The following SNX15 variants were observed in gnomAD, a reference collection of about 807,000 sequenced individuals.
SNX15 encodes the protein sorting nexin-15.
SNX15 carries 29 observed loss-of-function variants against 35.2 expected under a neutral mutation model. The ratio of observed to expected loss-of-function variants is 0.82; its 90% CI spans 0.61 to 1.12. The LOEUF (loss-of-function observed/expected upper bound fraction) is 1.12, where lower values mean the gene tolerates loss of function less well. Ranked by LOEUF, SNX15 falls within the 50% of genes most tolerant of loss-of-function variation. The pLI, the probability that SNX15 is intolerant of heterozygous loss-of-function variation, is 0.00. For synonymous variants in SNX15, 189 were observed against 188.2 expected, an observed-to-expected ratio of 1.00 and a Z score of -0.03; for missense variants, 400 against 451.5, an observed-to-expected ratio of 0.89 and a Z score of 1.03.
rs1448676348 is a variant in SNX15, at chr11:65,035,369, A to C, written c.521-151A>C. On this transcript the variant is annotated intron_variant, in intron 5 of 7. Transcript: ENST00000377244. ...GCAGGTCCTTTTCCTTCTCTGTGCT[A>C]CAGTTTCTTGATCTGTAAAATGAGC... 7 of 1,226,286 alleles carry C rather than the reference A, an allele frequency of 5.7e-6. No individual in the cohort carries two copies. In the East Asian group the frequency reaches 1.7e-4, roughly 29 times the overall value. 76.0% of individuals were successfully genotyped at this position (1,226,286 alleles called of 1,614,324 possible). A position where few individuals can be genotyped will look rare whatever the true frequency, so the allele number is the denominator to read the frequency against.
intron 6 of SNX15, 184 bp downstream of exon 6, chr11:65,035,847 G>A: frequency 1.8e-6 from 1 of 567,664 alleles, no homozygotes; most frequent in Non-Finnish European, 2.9e-6. Context: ...CAGGGCACGT[G>A]GTGTGGTGTG....
intron 1 of SNX15, among the ~76,000 whole-genome samples, chr11:65,029,881 T>G (rs1565193307): frequency 6.6e-6 from 1 of 151,726 alleles, no homozygotes; most frequent in African/African-American, 2.4e-5. Context: ...CTGGCCTATA[T>G]TTTTATTTTA....
At position 65,035,591 on chromosome 11, in the gene SNX15, G is replaced by A. The variant is rs183873831; in HGVS notation, c.592G>A (p.Ala198Thr). The change falls in exon 6 of 8, where the codon GCA becomes ACA. Residue 198 changes from alanine to threonine, a missense_variant. Physicochemically the swap from Ala to Thr is moderately conservative, Grantham distance 58. Coordinates refer to ENST00000377244, the MANE Select transcript of SNX15 (RefSeq NM_013306.5). ...LLFNCESTEE[A>T]SGSPARGPLT... ...CTTTAACTGTGAGAGCACCGAGGAG[G>A]CATCTGGTTCCCCTGCCCGAGGCCC... The A allele has an allele frequency of 6.8e-6, 11 of 1,613,910 alleles. No homozygotes were observed. In the Admixed American group the frequency reaches 8.3e-5, roughly 12 times the overall value.
In SNX15 at chr11:65,040,071, G is replaced by C. The variant is rs948564695; in HGVS notation, c.*279G>C. 4 of 308,532 alleles carry C rather than the reference G, an allele frequency of 1.3e-5. No homozygotes were observed. Among genetic ancestry groups the C allele is most frequent in the African/African-American group, 8.5e-5 (4 of 46,788 alleles). The allele number at this position is 308,532 out of a possible 1,614,324, so 19.1% of individuals were successfully genotyped here. On this transcript the variant is annotated 3_prime_UTR_variant, in exon 8 of 8. Coordinates refer to ENST00000377244, the MANE Select transcript of SNX15 (RefSeq NM_013306.5). ...GACTGGAGTGCAGTGGTGGGATCGC[G>C]GCTCACTGCAACCTCCACCTCCCAG...
intron 6 of SNX15, chr11:65,037,905 C>T (rs1946522287): frequency 6.6e-6 from 1 of 152,236 alleles, no homozygotes; most frequent in Non-Finnish European, 1.5e-5. Flanking sequence ...CTTTTTCCCT[C>T]TCCAGGATGA....
chr11:65,028,014 A>G (rs1162130318), intron 1 of SNX15, among the ~76,000 whole-genome samples: 1 of 152,258 alleles, frequency 6.6e-6, no homozygotes, highest in Non-Finnish European at 1.5e-5. Flanking sequence ...GTTTGATGTT[A>G]CATAAACTCC....
At chr11:65,029,350 G>C (rs1001581550) in intron 1 of SNX15, among the ~76,000 whole-genome samples, 2 of 151,256 alleles carry the variant, frequency 1.3e-5, no homozygotes, top group Non-Finnish European at 2.9e-5. Context: ...CAGAGATGGG[G>C]TTTCACCATG....
intron 1 of SNX15, among the ~76,000 whole-genome samples, chr11:65,028,144 AAGAT>A (rs1270419097): frequency 1.3e-5 from 2 of 152,246 alleles, no homozygotes; most frequent in South Asian, 2.1e-4. Context: ...TCACAGCAGG[AAGAT>A]AGATAGGCTA....
At chr11:65,028,451 A>C (rs1417523524) in intron 1 of SNX15, among the ~76,000 whole-genome samples, 1 of 152,234 alleles carries the variant, frequency 6.6e-6, no homozygotes, top group Admixed American at 6.5e-5. Flanking sequence ...GGACACTTCC[A>C]AAGTGATCTA....
At position 65,034,885 on chromosome 11, in the gene SNX15, G is replaced by T. The variant is rs761201689; in HGVS notation, c.295G>T (p.Gly99Trp). ...EASVIEERRK[G>W]AEDLLRFTVH... ...CTCAGTGATCGAGGAGCGGCGAAAG[G>T]GGGCAGAGGACCTGCTTCGCTTCAC... Residue 99 changes from glycine to tryptophan, a missense_variant, in exon 4 of 8, where the codon GGG becomes TGG. Coordinates refer to ENST00000377244, the MANE Select transcript of SNX15 (RefSeq NM_013306.5). 1.9e-6 allele frequency: 3 copies of T among 1,614,054 alleles called. No homozygotes were observed. The highest frequency in any genetic ancestry group is 1.7e-6 in the Non-Finnish European group (2 of 1,179,952).
intron 3 of SNX15, among the ~76,000 whole-genome samples, chr11:65,034,259 A>G (rs1331723499): frequency 1.3e-5 from 2 of 152,112 alleles, no homozygotes; most frequent in African/African-American, 4.8e-5. Context: ...CATCTCTACA[A>G]AAAATACAAA....
intron 5 of SNX15, 85 bp from the exon 6 acceptor site, chr11:65,035,435 G>C: frequency 6.9e-7 from 1 of 1,445,030 alleles, no homozygotes; most frequent in Non-Finnish European, 9.3e-7. Context: ...CATGGTTGCT[G>C]CAAGGGTTTA....
chr11:65,039,821 C>G lies in SNX15; in HGVS notation c.*29C>G, dbSNP rs546801450. The G allele has an allele frequency of 6.7e-7, 1 of 1,490,786 alleles. No individual in the cohort carries two copies. Among genetic ancestry groups the G allele is most frequent in the Non-Finnish European group, 9.3e-7 (1 of 1,077,634 alleles). The allele number at this position is 1,490,786 out of a possible 1,614,324, so 92.3% of individuals were successfully genotyped here. ...GGAGTGGGCCATTCCCTGGGACTCT[C>G]GCTCCTGCACTGCCAGCCCCTTCTC... On this transcript the variant is annotated 3_prime_UTR_variant, in exon 8 of 8. Coordinates refer to ENST00000377244, the MANE Select transcript of SNX15 (RefSeq NM_013306.5).
At position 65,038,490 on chromosome 11, in the gene SNX15, G is replaced by A. The variant is rs1279796038; in HGVS notation, c.665-82G>A. 7 of 1,477,208 alleles carry A rather than the reference G, an allele frequency of 4.7e-6. No homozygotes were observed. The African/African-American group carries it at 9.9e-5, about 21-fold the overall frequency. 91.5% of individuals were successfully genotyped at this position (1,477,208 alleles called of 1,614,324 possible). A position where few individuals can be genotyped will look rare whatever the true frequency, so the allele number is the denominator to read the frequency against. On this transcript the variant is annotated intron_variant, in intron 6 of 7. Transcript: ENST00000377244. ...CTGGGGACAGGCTGATACCCTGATGGACAAAAGAAGTCTTGGGGTTGGGCA... is the reference window on the plus strand; with the variant it reads ...CTGGGGACAGGCTGATACCCTGATGAACAAAAGAAGTCTTGGGGTTGGGCA...
At position 65,027,524 on chromosome 11, in the gene SNX15, T is replaced by G. The variant is rs376340866; in HGVS notation, c.-14T>G. 448 of 1,612,034 alleles carry G rather than the reference T, an allele frequency of 2.8e-4. No individual in the cohort carries two copies. Among genetic ancestry groups the G allele is most frequent in the Non-Finnish European group, 3.4e-4 (406 of 1,178,694 alleles). On this transcript the variant is annotated 5_prime_UTR_variant, in exon 1 of 8. Transcript: ENST00000377244. ...GGTGGAGGCCGGCGCTCCGCTCCGC[T>G]CCAGCTCGGTTTCATGTCCCGCCAG...
Position 65,040,084 on chromosome 11 carries a change from C to T in SNX15, c.*292C>T, listed in dbSNP as rs1349593285. 3.5e-6 allele frequency: 1 copy of T among 284,108 alleles called. No homozygotes were observed. The highest frequency in any genetic ancestry group is 6.8e-6 in the Non-Finnish European group (1 of 147,576). 17.6% of individuals were successfully genotyped at this position (284,108 alleles called of 1,614,324 possible). ...TGGTGGGATCGCGGCTCACTGCAAC[C>T]TCCACCTCCCAGGTTCAAGCAGTTC... is the stretch of plus-strand genomic sequence containing the variant. On this transcript the variant is annotated 3_prime_UTR_variant, in exon 8 of 8. Coordinates refer to ENST00000377244, the MANE Select transcript of SNX15 (RefSeq NM_013306.5).
chr11:65,035,278 C>A, intron 5 of SNX15, 72 bp downstream of exon 5: 1 of 1,407,204 alleles, frequency 7.1e-7, no homozygotes, highest in East Asian at 2.4e-5. Context: ...ACTCCCTCCT[C>A]AGTGATCTTA....
At chr11:65,030,442 T>G (rs756681950) in intron 1 of SNX15, among the ~76,000 whole-genome samples, 2 of 150,020 alleles carry the variant, frequency 1.3e-5, no homozygotes, top group Non-Finnish European at 2.9e-5. Context: ...ATCCTCCCAT[T>G]TTGGCCTTCC....
chr11:65,035,564 C>T lies in SNX15; in HGVS notation c.565C>T (p.Leu189Phe). 1 of 1,613,894 alleles carries T rather than the reference C, an allele frequency of 6.2e-7. No homozygotes were observed. Residue 189 changes from leucine (L) to phenylalanine (F), a missense_variant, in exon 6 of 8, where the codon CTC becomes TTC. Leu to Phe is a conservative substitution (Grantham distance 22, BLOSUM62 0). Transcript: ENST00000377244. ...CCCTGCCCAGGAGGCCCTGGATCTC[C>T]TCTTTAACTGTGAGAGCACCGAGGA... ...SSPAQEALDLLFNCESTEEAS... is the reference protein window; with the variant it reads ...SSPAQEALDLFFNCESTEEAS...
Sources: gnomAD v4.1 joint callset for allele counts (sites outside exome capture counted in the v4.1 genomes callset) on GRCh38, gnomAD v4.1.1 for gene constraint, MANE v1.5 for transcripts, NCBI Gene and HGNC (gene_info 2026-07-23, HGNC 2026-07-21) for gene names.